Variants in DNER observed in about 807,000 individuals in gnomAD.
The protein encoded by DNER is delta/notch like EGF repeat containing, also known as delta and Notch-like epidermal growth factor-related receptor.
DNER carries 33 observed loss-of-function variants against 78.2 expected under a neutral mutation model. The observed-to-expected ratio is 0.42, with a 90% CI of 0.32 to 0.56. The LOEUF is 0.56. Ranked by LOEUF, DNER falls within the 20% of genes least tolerant of loss-of-function variation. The pLI is 0.11. For synonymous variants in DNER, 417 were observed against 384.8 expected (o/e 1.08, Z -0.98); for missense variants, 918 against 975.3 (o/e 0.94, Z 0.78).
chr2:229,456,566 G>C (rs1694578536), intron 7 of DNER, among the ~76,000 whole-genome samples: 1 of 151,912 alleles, frequency 6.6e-6, no homozygotes, highest in Non-Finnish European at 1.5e-5. Context: ...TGGTCACATG[G>C]CAACATAGAA....
At chr2:229,708,347 T>A (rs1295259611) in intron 1 of DNER, among the ~76,000 whole-genome samples, 1 of 152,144 alleles carries the variant, frequency 6.6e-6, no homozygotes, top group Non-Finnish European at 1.5e-5. Flanking sequence ...TAAATCAGAA[T>A]CTGGGGGACA....
At chr2:229,667,562 A>C (rs191408533) in intron 1 of DNER, among the ~76,000 whole-genome samples, 1 of 152,136 alleles carries the variant, frequency 6.6e-6, no homozygotes, top group East Asian at 1.9e-4. Flanking sequence ...TTTGTTCTTG[A>C]TGTTTCTTTG....
chr2:229,612,380 G>A (rs1698065260), intron 1 of DNER, among the ~76,000 whole-genome samples: 1 of 152,190 alleles, frequency 6.6e-6, no homozygotes, highest in African/African-American at 2.4e-5. Context: ...AAGCCTGACT[G>A]TTAAAAGGAC....
chr2:229,503,667 G>C (rs1013293630), intron 6 of DNER, among the ~76,000 whole-genome samples: 1 of 152,166 alleles, frequency 6.6e-6, no homozygotes, highest in Non-Finnish European at 1.5e-5. Context: ...TGACGGACTG[G>C]ACTGATAACT....
rs741381 is a variant in DNER at position 229,601,127 on chromosome 2, G to A, written c.277-9239C>T. ...GATGGGACTAGAACATTCTAAAGGCGTTTAAGTTCTTAATATTGTGTTTCT... is the reference window on the plus strand; with the variant it reads ...GATGGGACTAGAACATTCTAAAGGCATTTAAGTTCTTAATATTGTGTTTCT... On this transcript the variant is annotated intron_variant, in intron 1 of 12. Coordinates refer to ENST00000341772, the MANE Select transcript of DNER (RefSeq NM_139072.4). Among the ~76,000 whole-genome samples the A allele has an allele frequency of 1.4e-4, 22 of 152,206 alleles. No individual in the cohort carries two copies. In the East Asian group the frequency reaches 3.5e-3, roughly 24 times the overall value.
Position 229,447,547 on chromosome 2 carries a change from A to G in DNER, c.1262-7T>C. 6.2e-7 allele frequency: 1 copy of G among 1,613,194 alleles called. No individual in the cohort carries two copies. Among genetic ancestry groups the G allele is most frequent in the South Asian group, 1.1e-5 (1 of 90,874 alleles). On this transcript the variant is annotated splice_polypyrimidine_tract_variant and splice_region_variant and intron_variant, in intron 7 of 12. Transcript: ENST00000341772. The stretch of plus-strand genomic sequence containing the variant: ...CAAGCAGATCCGAAGTATCCTGTGA[A>G]AAAACACATGAGAGCTTAAAAAAAC...
intron 5 of DNER, 82 bp from the exon 6 acceptor site, chr2:229,513,018 G>T: frequency 7.0e-7 from 1 of 1,429,646 alleles, no homozygotes; most frequent in Non-Finnish European, 9.4e-7. Context: ...AAGTTTGAAA[G>T]AACCACTTCC....
Position 229,608,736 on chromosome 2 carries a change from G to A in DNER, c.277-16848C>T, listed in dbSNP as rs1021323549. On this transcript the variant is annotated intron_variant, in intron 1 of 12. Coordinates refer to ENST00000341772, the MANE Select transcript of DNER (RefSeq NM_139072.4). ...GGTAGAGAGGGAGGGAAGTGGGTTG[G>A]GGAGGAGTAGGGTAGTGGCAGTGAG... Among the ~76,000 whole-genome samples the A allele has an allele frequency of 2.0e-5, 3 of 152,136 alleles. No homozygotes were observed. The East Asian group carries it at 5.8e-4, about 29-fold the overall frequency.
intron 7 of DNER, among the ~76,000 whole-genome samples, chr2:229,470,834 G>C (rs992136432): frequency 2.6e-5 from 4 of 152,118 alleles, no homozygotes; most frequent in Non-Finnish European, 5.9e-5. Context: ...TGGGCAACAA[G>C]AGCAAAATGC....
chr2:229,429,936 C>T (rs1341780976), intron 8 of DNER, among the ~76,000 whole-genome samples: 1 of 152,188 alleles, frequency 6.6e-6, no homozygotes, highest in Non-Finnish European at 1.5e-5. Context: ...TGATTCCAAA[C>T]TCTGCATTTT....
At chr2:229,432,411 A>G (rs1350845341) in intron 8 of DNER, among the ~76,000 whole-genome samples, 1 of 152,248 alleles carries the variant, frequency 6.6e-6, no homozygotes, top group Non-Finnish European at 1.5e-5. Context: ...AGACTCTATT[A>G]TGGCACTTTG....
chr2:229,678,275 C>A (rs868814059), intron 1 of DNER, among the ~76,000 whole-genome samples: 1 of 152,130 alleles, frequency 6.6e-6, no homozygotes, highest in Non-Finnish European at 1.5e-5. Flanking sequence ...AGTCGCTTCT[C>A]GATTCCTTCC....
At chr2:229,416,120 G>A (rs182438056) in intron 9 of DNER, among the ~76,000 whole-genome samples, 87 of 152,210 alleles carry the variant, frequency 5.7e-4, no homozygotes, top group African/African-American at 2.0e-3. Flanking sequence ...AGCACCCATC[G>A]CTCAGGCAGA....
intron 3 of DNER, chr2:229,586,648 C>CA: frequency 8.1e-6 from 8 of 985,172 alleles, no homozygotes; most frequent in Non-Finnish European, 9.6e-6. Flanking sequence ...CCTCACAGCC[C>CA]AATGCTTCAG....
intron 6 of DNER, among the ~76,000 whole-genome samples, chr2:229,482,637 G>T (rs2216533): frequency 0.12 from 19,003 of 152,210 alleles, 1,327 homozygotes; most frequent in South Asian, 0.2. Flanking sequence ...AGGGATGCAG[G>T]ATTCAACAGA....
At chr2:229,438,405 T>A (rs2106358382) in intron 8 of DNER, among the ~76,000 whole-genome samples, 1 of 152,304 alleles carries the variant, frequency 6.6e-6, no homozygotes, top group South Asian at 2.1e-4. Flanking sequence ...TAACTTGGGG[T>A]GTCACATGTA....
At chr2:229,573,629 T>C (rs1697251388) in intron 4 of DNER, among the ~76,000 whole-genome samples, 1 of 152,186 alleles carries the variant, frequency 6.6e-6, no homozygotes. Flanking sequence ...TACTTAAATA[T>C]CTACCTTCAG....
intron 1 of DNER, among the ~76,000 whole-genome samples, chr2:229,645,850 C>A (rs371772830): frequency 6.6e-6 from 1 of 152,284 alleles, no homozygotes; most frequent in African/African-American, 2.4e-5. Context: ...CCATCAGGAG[C>A]ATTCCTGAGC....
At chr2:229,502,360 C>A (rs1559150284) in intron 6 of DNER, among the ~76,000 whole-genome samples, 1 of 152,178 alleles carries the variant, frequency 6.6e-6, no homozygotes, top group African/African-American at 2.4e-5. Flanking sequence ...CGCAGCAGTG[C>A]AGAGATGGGC....
Sources: allele counts gnomAD v4.1 joint callset (sites outside exome capture counted in the v4.1 genomes callset), GRCh38; gene constraint gnomAD v4.1.1; transcripts MANE v1.5; gene names NCBI Gene and HGNC (gene_info 2026-07-23, HGNC 2026-07-21).